CCDC178: variants seen among roughly 807,000 people sequenced by gnomAD.
The protein encoded by CCDC178 is coiled-coil domain containing 178.
CCDC178 carries 126 observed loss-of-function variants against 117.4 expected under a neutral mutation model. That is an observed-to-expected ratio of 1.07 (90% CI 0.93 to 1.24). The LOEUF is 1.24. Ranked by LOEUF, CCDC178 falls within the 50% of genes most tolerant of loss-of-function variation. The probability of loss-of-function intolerance (pLI) is 0.00; values close to 1 mark genes in which losing one functional copy is unlikely to be tolerated. For missense variants in CCDC178, 1,030 were observed against 986.9 expected, an observed-to-expected ratio of 1.04 and a Z score of -0.59; for synonymous variants, 283 against 313.4, an observed-to-expected ratio of 0.90 and a Z score of 1.02.
chr18:32,960,460 T>C (rs1383337236), intron 22 of CCDC178, among the ~76,000 whole-genome samples: 5 of 152,094 alleles, frequency 3.3e-5, no homozygotes, highest in Admixed American at 2.6e-4. Flanking sequence ...AGTCAATATT[T>C]GAAAAAAATA....
At chr18:33,326,279 CCTACTTGTCTGGGGCCTGTCTCTGT>C (rs567101736) in intron 10 of CCDC178, among the ~76,000 whole-genome samples, 9 of 152,142 alleles carry the variant, frequency 5.9e-5, no homozygotes, top group Non-Finnish European at 1.5e-5. Flanking sequence ...AGGGGGTGTC[CCTACTTGTCTGGGGCCTGTCTCTGT>C]TGAGAATAGG....
At chr18:33,042,572 G>A (rs895726413) in intron 21 of CCDC178, among the ~76,000 whole-genome samples, 2 of 151,884 alleles carry the variant, frequency 1.3e-5, no homozygotes, top group Admixed American at 1.3e-4. Context: ...AAGAACAGCT[G>A]TAGAAGACAT....
At chr18:33,217,317 T>C (rs1411087037) in intron 18 of CCDC178, among the ~76,000 whole-genome samples, 1 of 152,052 alleles carries the variant, frequency 6.6e-6, no homozygotes, top group Non-Finnish European at 1.5e-5. Flanking sequence ...CTATGATCAT[T>C]GATCTATTCT....
intron 2 of CCDC178, among the ~76,000 whole-genome samples, chr18:33,422,723 A>ATCTGGTTGAAAATG (rs1214897606): frequency 6.6e-6 from 1 of 152,220 alleles, no homozygotes; most frequent in African/African-American, 2.4e-5. Flanking sequence ...TGCCTGGCAC[A>ATCTGGTTGAAAATG]TCTGGTTGAA....
chr18:32,965,675 T>G (rs941684317), intron 22 of CCDC178, among the ~76,000 whole-genome samples: 5 of 151,726 alleles, frequency 3.3e-5, no homozygotes, highest in Admixed American at 6.6e-5. Context: ...TATTAAGGAA[T>G]ATAGGATTTT....
chr18:33,185,778 T>C (rs1047747256), intron 20 of CCDC178, among the ~76,000 whole-genome samples: 3 of 152,086 alleles, frequency 2.0e-5, no homozygotes, highest in Non-Finnish European at 2.9e-5. Context: ...CCTGGGCTTT[T>C]TGTATGAAGG....
intron 9 of CCDC178, among the ~76,000 whole-genome samples, chr18:33,340,715 C>T (rs1483772357): frequency 6.6e-6 from 1 of 152,166 alleles, no homozygotes; most frequent in Non-Finnish European, 1.5e-5. Flanking sequence ...AAGCCCCAAG[C>T]CTTGGCAGCT....
intron 20 of CCDC178, among the ~76,000 whole-genome samples, chr18:33,146,764 A>G (rs2058272983): frequency 6.6e-6 from 1 of 152,232 alleles, no homozygotes; most frequent in Non-Finnish European, 1.5e-5. Context: ...TTAAATATAG[A>G]GAAGCATAAG....
At chr18:33,147,141 C>CTTTTTTTT (rs963180337) in intron 20 of CCDC178, among the ~76,000 whole-genome samples, 1 of 117,392 alleles carries the variant, frequency 8.5e-6, no homozygotes, top group African/African-American at 3.2e-5. Context: ...TAGCTGATTT[C>CTTTTTTTT]TTTTTTTTTT....
chr18:33,245,020 C>T (rs552076234), intron 15 of CCDC178, among the ~76,000 whole-genome samples: 6 of 151,996 alleles, frequency 3.9e-5, no homozygotes, highest in African/African-American at 1.4e-4. Context: ...TTGATAATAG[C>T]AAAAAGTAGA....
rs1005621041 is a variant in CCDC178 at position 33,206,576 on chromosome 18, T to C, written c.2238+5320A>G. Among the ~76,000 whole-genome samples the C allele has an allele frequency of 6.6e-5, 10 of 152,196 alleles. 1 individual carries two copies. The highest frequency in any genetic ancestry group is 6.5e-4 in the Admixed American group (10 of 15,280). ...TTTCATATACCTTAATGATAATTAA[T>C]CATAAATCTTGTTAAAATAATTTTT... On this transcript the variant is annotated intron_variant, in intron 20 of 22. Transcript: ENST00000383096.
chr18:33,358,075 A>G (rs898552376), intron 6 of CCDC178, among the ~76,000 whole-genome samples: 12 of 152,052 alleles, frequency 7.9e-5, no homozygotes, highest in African/African-American at 2.7e-4. Context: ...ACCATACTGA[A>G]TGCTGTAGGC....
At chr18:33,144,287 T>G (rs931002086) in intron 20 of CCDC178, among the ~76,000 whole-genome samples, 1 of 152,132 alleles carries the variant, frequency 6.6e-6, no homozygotes, top group Admixed American at 6.5e-5. Context: ...TTTCACTAGA[T>G]GTCATTTGTG....
chr18:33,239,952 T>C (rs185292438), intron 15 of CCDC178, among the ~76,000 whole-genome samples: 582 of 152,060 alleles, frequency 3.8e-3, no homozygotes, highest in Non-Finnish European at 6.7e-3. Flanking sequence ...CATCAGCACA[T>C]GAAATATTCT....
intron 20 of CCDC178, among the ~76,000 whole-genome samples, chr18:33,097,763 GT>G (rs1409170531): frequency 2.5e-4 from 38 of 152,184 alleles, no homozygotes; most frequent in African/African-American, 8.7e-4. Flanking sequence ...CCAAGAAACT[GT>G]CTTATTATAA....
At chr18:33,183,101 T>C (rs1185606350) in intron 20 of CCDC178, among the ~76,000 whole-genome samples, 2 of 152,050 alleles carry the variant, frequency 1.3e-5, no homozygotes, top group Admixed American at 6.6e-5. Context: ...ATTTCACCGA[T>C]ATATGCATTT....
At position 32,974,528 on chromosome 18, in the gene CCDC178, C is replaced by G; in HGVS notation, c.2523+19G>C. On this transcript the variant is annotated intron_variant, in intron 22 of 22. Coordinates refer to ENST00000383096, the MANE Select transcript of CCDC178 (RefSeq NM_001105528.4). ...ATCTAGATCAGAATGATCTTTCCTACTTCCCTGCAATCACCTACCTGCACA... is the reference window on the plus strand; with the variant it reads ...ATCTAGATCAGAATGATCTTTCCTAGTTCCCTGCAATCACCTACCTGCACA... 2 of 1,611,302 alleles carry G rather than the reference C, an allele frequency of 1.2e-6. No homozygotes were observed. Among genetic ancestry groups the G allele is most frequent in the Non-Finnish European group, 1.7e-6 (2 of 1,178,444 alleles).
intron 20 of CCDC178, among the ~76,000 whole-genome samples, chr18:33,154,023 T>C (rs560978847): frequency 3.1e-4 from 47 of 152,276 alleles, no homozygotes; most frequent in African/African-American, 1.1e-3. Context: ...AAAAATTTTG[T>C]GTCTTTATGA....
At chr18:33,264,107 C>A (rs932176217) in intron 14 of CCDC178, among the ~76,000 whole-genome samples, 1 of 151,936 alleles carries the variant, frequency 6.6e-6, no homozygotes, top group Non-Finnish European at 1.5e-5. Flanking sequence ...AACAATCTAG[C>A]AGATTTGGGT....
Sources: allele counts gnomAD v4.1 joint callset (sites outside exome capture counted in the v4.1 genomes callset), GRCh38; gene constraint gnomAD v4.1.1; transcripts MANE v1.5; gene names NCBI Gene and HGNC (gene_info 2026-07-23, HGNC 2026-07-21).